Variants in GTPBP1 observed in about 807,000 individuals in gnomAD.
GTPBP1 encodes GTP binding protein 1.
In GTPBP1, 23 loss-of-function variants were observed where a neutral mutation model predicts 62.0. The observed-to-expected ratio is 0.37, with a 90% CI of 0.27 to 0.53. The LOEUF is 0.53. Ranked by LOEUF, GTPBP1 falls within the 20% of genes least tolerant of loss-of-function variation. The pLI is 0.89. For synonymous variants in GTPBP1, 344 were observed against 364.4 expected, an observed-to-expected ratio of 0.94 and a Z score of 0.64; for missense variants, 640 against 917.3, an observed-to-expected ratio of 0.70 and a Z score of 3.90.
intron 5 of GTPBP1, among the ~76,000 whole-genome samples, chr22:38,724,047 C>G (rs2092714423): frequency 6.6e-6 from 1 of 152,090 alleles, no homozygotes; most frequent in Non-Finnish European, 1.5e-5. Flanking sequence ...CGTCTAGACA[C>G]AAGAGAAATC....
At chr22:38,736,113 C>T (rs1251780927), downstream of GTPBP1, 1 of 751,796 alleles carries the variant, frequency 1.3e-6, no homozygotes. Flanking sequence ...ACCTGCTGCT[C>T]AGGAGACCCT....
rs367852375 is a variant in GTPBP1, at chr22:38,715,981, A to T, written c.379A>T (p.Ile127Leu). ...YATVKSMAEQ[I>L]EADVILLRER... Reference sequence around the variant, plus strand: ...CACAGTGAAGAGCATGGCGGAACAGATAGAGGCCGATGTCATCCTTCTGCG... The same window carrying T: ...CACAGTGAAGAGCATGGCGGAACAGTTAGAGGCCGATGTCATCCTTCTGCG... Residue 127 changes from isoleucine to leucine, a missense_variant, in exon 3 of 12, where the codon ATA becomes TTA. This residue lies in a region of GTPBP1 where 215 missense variants were observed against 235.1 expected (regional missense o/e 0.91). Coordinates refer to ENST00000216044, the MANE Select transcript of GTPBP1 (RefSeq NM_004286.5). The T allele has an allele frequency of 1.2e-6, 2 of 1,613,890 alleles. No individual in the cohort carries two copies. The highest frequency in any genetic ancestry group is 1.3e-5 in the African/African-American group (1 of 74,862).
At position 38,711,347 on chromosome 22, in the gene GTPBP1, C is replaced by T. The variant is rs146826098; in HGVS notation, c.304+2391C>T. Among the ~76,000 whole-genome samples, 919 of 152,232 alleles carry T rather than the reference C, an allele frequency of 6.0e-3. 1 individual carries two copies. The highest frequency in any genetic ancestry group is 0.031 in the Middle Eastern group (9 of 294). ...TGGCCTAATCTATAGGATCTGGAAC[C>T]TGGCAGGCCTGGATTTGCCTACTGA... On this transcript the variant is annotated intron_variant, in intron 2 of 11. Transcript: ENST00000216044.
At chr22:38,739,948 A>G, downstream of GTPBP1, 1 of 1,608,642 alleles carries the variant, frequency 6.2e-7, no homozygotes, top group Non-Finnish European at 8.5e-7. The surrounding 1 kb of genome is among the most constrained non-coding windows in gnomAD (Gnocchi z 6.7). Flanking sequence ...TTCCACCTAT[A>G]GGAACCCAAA....
Position 38,716,774 on chromosome 22 carries a change from T to C in GTPBP1, c.608T>C (p.Ile203Thr), listed in dbSNP as rs1395087883. 1.2e-6 allele frequency: 2 copies of C among 1,614,102 alleles called. No individual in the cohort carries two copies. Among genetic ancestry groups the C allele is most frequent in the South Asian group, 2.2e-5 (2 of 91,076 alleles). ...RQKLFRHKHE[I>T]ESGRTSSVGN... is the part of the protein sequence containing the mutation. ...AAACTCTTCCGCCACAAACATGAAA[T>C]TGAATCTGGTCGCACCAGCAGTGTG... The change falls in exon 4 of 12, where the codon ATT becomes ACT. Residue 203 changes from isoleucine (I) to threonine (T), a missense_variant. Ile to Thr is a moderately conservative substitution (Grantham distance 89). Around this residue, in one of 4 missense-constraint regions of GTPBP1, gnomAD observed 88 missense variants for 217.0 expected, o/e 0.41. Transcript: ENST00000216044. The surrounding 1 kb of genome is among the most constrained non-coding windows in gnomAD (Gnocchi z 5.2).
At chr22:38,710,593 A>G (rs1050191756) in intron 2 of GTPBP1, among the ~76,000 whole-genome samples, 1 of 152,268 alleles carries the variant, frequency 6.6e-6, no homozygotes, top group Non-Finnish European at 1.5e-5. Flanking sequence ...ATCAAGTGCT[A>G]CAGAGGCAGC....
Position 38,716,070 on chromosome 22 carries a change from T to A in GTPBP1, c.468T>A (p.Asn156Lys), listed in dbSNP as rs2092668562. The A allele has an allele frequency of 3.7e-6, 6 of 1,601,998 alleles. No homozygotes were observed. Among genetic ancestry groups the A allele is most frequent in the Non-Finnish European group, 5.1e-6 (6 of 1,174,264 alleles). Residue 156 changes from asparagine (N) to lysine (K), a missense_variant, in exon 3 of 12, where the codon AAT becomes AAA. Coordinates refer to ENST00000216044, the MANE Select transcript of GTPBP1 (RefSeq NM_004286.5). This position sits in a 1 kb window ranked among gnomAD's most constrained non-coding sequence, Gnocchi z 5.2. ...TGGTCCGGAAACGAGTAGGAGACAA[T>A]GACTTCCTGGAGGTCAGGTGAGGAG... ...DYLVRKRVGD[N>K]DFLEVRVAVV...
chr22:38,721,717 A>G, intron 4 of GTPBP1, 25 bp from the exon 5 acceptor site: 1 of 1,604,010 alleles, frequency 6.2e-7, no homozygotes, highest in Non-Finnish European at 8.5e-7. Context: ...TCTCGTCCTG[A>G]CACTTCCTTT....
At chr22:38,723,924 C>G (rs1345665405) in intron 5 of GTPBP1, among the ~76,000 whole-genome samples, 1 of 152,082 alleles carries the variant, frequency 6.6e-6, no homozygotes, top group East Asian at 1.9e-4. Flanking sequence ...TCTAAGAGAT[C>G]CTTTTTGTTG....
downstream of GTPBP1, chr22:38,738,673 G>A: frequency 1.2e-6 from 2 of 1,613,932 alleles, no homozygotes; most frequent in Non-Finnish European, 1.7e-6. The surrounding 1 kb of genome is among the most constrained non-coding windows in gnomAD (Gnocchi z 6.6). Flanking sequence ...ACGGCTGTGG[G>A]GCGGATGCGG....
At chr22:38,717,889 GTGTT>G (rs2092679520) in intron 4 of GTPBP1, among the ~76,000 whole-genome samples, 1 of 152,230 alleles carries the variant, frequency 6.6e-6, no homozygotes, top group Non-Finnish European at 1.5e-5. Context: ...CATGCCTCGA[GTGTT>G]CCCTCGGCAA....
chr22:38,741,950 G>T (rs962343333), downstream of GTPBP1, among the ~76,000 whole-genome samples: 3 of 84,226 alleles, frequency 3.6e-5, no homozygotes, highest in South Asian at 4.1e-4. Context: ...AGACCAGCCT[G>T]GCCAACTTGG....
intron 4 of GTPBP1, among the ~76,000 whole-genome samples, chr22:38,719,634 T>C (rs1443283602): frequency 6.6e-6 from 1 of 151,616 alleles, no homozygotes; most frequent in African/African-American, 2.4e-5. Context: ...TTTGGTTTTT[T>C]TTTTTTGTGG....
intron 4 of GTPBP1, among the ~76,000 whole-genome samples, chr22:38,720,568 A>G (rs2092694708): frequency 6.6e-6 from 1 of 152,140 alleles, no homozygotes; most frequent in African/African-American, 2.4e-5. Context: ...TCTATATGCA[A>G]CTTACTTTTT....
chr22:38,719,569 A>G lies in GTPBP1; in HGVS notation c.835-2173A>G, dbSNP rs572700181. Among the ~76,000 whole-genome samples, 4 of 151,784 alleles carry G rather than the reference A, an allele frequency of 2.6e-5. No homozygotes were observed. In the South Asian group the frequency reaches 6.3e-4, roughly 24 times the overall value. Reference sequence around the variant, plus strand: ...AATCATCCCACCTTGGTGCCTCCCAAGGTGCTGGGATTACAGGTGTGAGCC... The same window carrying G: ...AATCATCCCACCTTGGTGCCTCCCAGGGTGCTGGGATTACAGGTGTGAGCC... On this transcript the variant is annotated intron_variant, in intron 4 of 11. Coordinates refer to ENST00000216044, the MANE Select transcript of GTPBP1 (RefSeq NM_004286.5).
At chr22:38,728,626 T>TGATA (rs569196325) in intron 10 of GTPBP1, 237 of 175,390 alleles carry the variant, frequency 1.4e-3, no homozygotes, top group African/African-American at 5.0e-3. Context: ...GAGGGGCATT[T>TGATA]GATAGAGGGG....
chr22:38,736,531 C>T, downstream of GTPBP1: 2 of 581,876 alleles, frequency 3.4e-6, no homozygotes, highest in South Asian at 4.8e-5. Context: ...TCAAAAGCTC[C>T]TATCTTTAGC....
At chr22:38,722,821 C>T (rs1273888304) in intron 5 of GTPBP1, 43 of 1,582,250 alleles carry the variant, frequency 2.7e-5, no homozygotes, top group Non-Finnish European at 3.7e-5. Context: ...GTCCAGTTTG[C>T]TGGGCAGACT....
chr22:38,730,743 C>A lies in GTPBP1; in HGVS notation c.*39C>A. On this transcript the variant is annotated 3_prime_UTR_variant, in exon 12 of 12. Transcript: ENST00000216044. This position sits in a 1 kb window ranked among gnomAD's most constrained non-coding sequence, Gnocchi z 5.6. ...CCACCCTCACCACCCAAGGGGTCATCATCTCTGGCCACCACTCCACCAGAT... is the reference window on the plus strand; with the variant it reads ...CCACCCTCACCACCCAAGGGGTCATAATCTCTGGCCACCACTCCACCAGAT... 2 of 1,110,792 alleles carry A rather than the reference C, an allele frequency of 1.8e-6. No individual in the cohort carries two copies. The highest frequency in any genetic ancestry group is 2.2e-5 in the Admixed American group (1 of 46,272). The allele number at this position is 1,110,792 out of a possible 1,614,324, so 68.8% of individuals were successfully genotyped here.
Sources: gnomAD v4.1 joint callset for allele counts (sites outside exome capture counted in the v4.1 genomes callset) on GRCh38, gnomAD v4.1.1 for gene constraint, gnomAD v4.1.1 regional missense constraint, Gnocchi (gnomAD v3.1) non-coding constraint, MANE v1.5 for transcripts, NCBI Gene and HGNC (gene_info 2026-07-23, HGNC 2026-07-21) for gene names.